ATL2: variants seen among roughly 807,000 people sequenced by gnomAD.
ATL2 encodes atlastin GTPase 2, also known as atlastin-2.
In ATL2, 31 loss-of-function variants were observed where a neutral mutation model predicts 73.9. The observed-to-expected ratio is 0.42, with a 90% CI of 0.32 to 0.57. The LOEUF (loss-of-function observed/expected upper bound fraction) is 0.57. Among genes scored for constraint, ATL2 ranks in the 20% least tolerant of loss-of-function variants. The pLI is 0.14. For missense variants in ATL2, 738 were observed against 702.6 expected, an observed-to-expected ratio of 1.05 and a Z score of -0.57; for synonymous variants, 291 against 237.5, an observed-to-expected ratio of 1.23 and a Z score of -2.07.
At chr2:38,304,117 C>A (rs1229806579) in intron 9 of ATL2, among the ~76,000 whole-genome samples, 1 of 152,094 alleles carries the variant, frequency 6.6e-6, no homozygotes, top group Non-Finnish European at 1.5e-5. Flanking sequence ...ACCACCACAA[C>A]AACAACAAGA....
At chr2:38,366,066 C>A (rs916366558) in intron 1 of ATL2, among the ~76,000 whole-genome samples, 1 of 151,340 alleles carries the variant, frequency 6.6e-6, no homozygotes, top group African/African-American at 2.4e-5. Context: ...CAAATAAACA[C>A]CCCTCCAACT....
In ATL2 at chr2:38,343,459, G is replaced by A. The variant is rs907456252; in HGVS notation, c.172C>T (p.Pro58Ser). The A allele has an allele frequency of 6.2e-7, 1 of 1,610,618 alleles. No individual in the cohort carries two copies. Among genetic ancestry groups the A allele is most frequent in the African/African-American group, 1.3e-5 (1 of 74,504 alleles). ...GCAAGAACAATCTGTACTGGACATG[G>A]TTTCTTCATAACCTCATCAGAATTT... is the stretch of plus-strand genomic sequence containing the variant. Reference protein sequence around the residue: ...LVNSDEVMKKPCPVQIVLAHE... With the variant: ...LVNSDEVMKKSCPVQIVLAHE... Residue 58 changes from proline to serine, a missense_variant, in exon 2 of 13, where the codon CCA becomes TCA. Coordinates refer to ENST00000378954, the MANE Select transcript of ATL2 (RefSeq NM_001135673.4).
rs1667698921 is a variant in ATL2, at chr2:38,310,511, GCA to G, written c.805-66_805-65del. 24 of 1,433,830 alleles carry G rather than the reference GCA, an allele frequency of 1.7e-5. 1 individual carries two copies. In the East Asian group the frequency reaches 5.3e-4, roughly 32 times the overall value. 88.8% of individuals were successfully genotyped at this position (1,433,830 alleles called of 1,614,324 possible). A position where few individuals can be genotyped will look rare whatever the true frequency, so the allele number is the denominator to read the frequency against. ...GAAAGAAAATTTTTTTAAAGAAAAT[GCA>G]CACAGACTCGCATGCACACTATGCA... On this transcript the variant is annotated intron_variant, in intron 7 of 12. Transcript: ENST00000378954.
chr2:38,312,722 A>G (rs1166677182), intron 7 of ATL2, among the ~76,000 whole-genome samples: 1 of 149,900 alleles, frequency 6.7e-6, no homozygotes, highest in African/African-American at 2.5e-5. Context: ...AAAAAAAAAA[A>G]AAAGAAGGTG....
chr2:38,357,125 C>T (rs1670712709), intron 1 of ATL2, among the ~76,000 whole-genome samples: 1 of 151,976 alleles, frequency 6.6e-6, no homozygotes, highest in South Asian at 2.1e-4. Context: ...GTCAGGAGAT[C>T]GAGACCATCC....
At chr2:38,309,722 G>T (rs903880590) in intron 8 of ATL2, among the ~76,000 whole-genome samples, 3 of 151,744 alleles carry the variant, frequency 2.0e-5, no homozygotes, top group East Asian at 3.9e-4. Flanking sequence ...CAACCCCCTA[G>T]TAACACTGCC....
In ATL2 at chr2:38,300,308, T is replaced by C. The variant is rs879230314; in HGVS notation, c.1092A>G (p.Gln364=). 1 of 1,609,176 alleles carries C rather than the reference T, an allele frequency of 6.2e-7. No individual in the cohort carries two copies. ...EYFKAYIKIY[Q]GEELPHPKSM... is the part of the protein sequence containing the mutation. The stretch of plus-strand genomic sequence containing the variant: ...ACTTTGGATGTGGAAGTTCTTCTCC[T>C]TGATAGATTTTGATGTAAGCCTAAA... Residue 364 remains glutamine (Q), a synonymous_variant, in exon 10 of 13, where the codon CAA becomes CAG. Coordinates refer to ENST00000378954, the MANE Select transcript of ATL2 (RefSeq NM_001135673.4).
rs150180731 is a variant in ATL2 at position 38,333,899 on chromosome 2, C to G, written c.363+9369G>C. On this transcript the variant is annotated intron_variant, in intron 2 of 12. Coordinates refer to ENST00000378954, the MANE Select transcript of ATL2 (RefSeq NM_001135673.4). ...TTGATGAAGCTTTTCTGACTCAAATCTAATCCAATTTAAAACCTGCATAGG... is the reference window on the plus strand; with the variant it reads ...TTGATGAAGCTTTTCTGACTCAAATGTAATCCAATTTAAAACCTGCATAGG... 5.5e-3 allele frequency among the ~76,000 whole-genome samples: 840 copies of G among 152,230 alleles called. 4 individuals carry two copies. The highest frequency in any genetic ancestry group is 9.5e-3 in the Non-Finnish European group (649 of 68,024).
chr2:38,322,649 T>C (rs1035688468), intron 2 of ATL2, among the ~76,000 whole-genome samples: 13 of 152,134 alleles, frequency 8.5e-5, no homozygotes, highest in African/African-American at 2.9e-4. Flanking sequence ...AAATCTACTA[T>C]GTATCATCTC....
chr2:38,335,560 A>T (rs1467834670), intron 2 of ATL2, among the ~76,000 whole-genome samples: 2 of 152,220 alleles, frequency 1.3e-5, no homozygotes, highest in South Asian at 2.1e-4. Flanking sequence ...AATACAAGTC[A>T]GAACAAAGGT....
chr2:38,360,259 C>CTTTTTTTT (rs566192942), intron 1 of ATL2, among the ~76,000 whole-genome samples: 2,874 of 135,236 alleles, frequency 0.021, 76 homozygotes, highest in South Asian at 0.14. Context: ...TCAGGGGATT[C>CTTTTTTTT]TTTTTTTTTT....
At chr2:38,330,379 C>T (rs762755010) in intron 2 of ATL2, among the ~76,000 whole-genome samples, 1 of 152,070 alleles carries the variant, frequency 6.6e-6, no homozygotes, top group Non-Finnish European at 1.5e-5. Context: ...ATCACTTGTA[C>T]TCAATACTAC....
intron 2 of ATL2, among the ~76,000 whole-genome samples, chr2:38,334,666 C>T (rs1669200645): frequency 1.3e-5 from 2 of 151,216 alleles, no homozygotes; most frequent in Non-Finnish European, 1.5e-5. Context: ...CCATTGCACT[C>T]CAGCCTGGGC....
chr2:38,305,601 A>G (rs919255845), intron 9 of ATL2, among the ~76,000 whole-genome samples: 1 of 152,152 alleles, frequency 6.6e-6, no homozygotes, highest in African/African-American at 2.4e-5. Context: ...TCTGACCACA[A>G]TGGAATAAAA....
At chr2:38,305,317 G>A (rs900670136) in intron 9 of ATL2, among the ~76,000 whole-genome samples, 1 of 152,112 alleles carries the variant, frequency 6.6e-6, no homozygotes, top group African/African-American at 2.4e-5. Flanking sequence ...CCACTTGAGG[G>A]CAGGTGGACC....
chr2:38,351,160 TA>T (rs1670314804), intron 1 of ATL2, among the ~76,000 whole-genome samples: 1 of 151,840 alleles, frequency 6.6e-6, no homozygotes, highest in African/African-American at 2.4e-5. Flanking sequence ...ATAAAAAAAT[TA>T]GTTATCCCAC....
intron 7 of ATL2, among the ~76,000 whole-genome samples, chr2:38,310,831 T>C (rs1667720019): frequency 6.6e-6 from 1 of 151,988 alleles, no homozygotes; most frequent in Non-Finnish European, 1.5e-5. Flanking sequence ...GAGACAGGGT[T>C]GGTCAGGCTG....
At chr2:38,303,925 G>A (rs1213699031) in intron 9 of ATL2, among the ~76,000 whole-genome samples, 1 of 152,076 alleles carries the variant, frequency 6.6e-6, no homozygotes, top group Non-Finnish European at 1.5e-5. Context: ...TGACCCTGGA[G>A]TTCAAGACCA....
At chr2:38,329,443 A>AAAAAAAAAAAAAAAAAAAAAAAAAAAC (rs1668857927) in intron 2 of ATL2, among the ~76,000 whole-genome samples, 1 of 148,830 alleles carries the variant, frequency 6.7e-6, no homozygotes, top group Non-Finnish European at 1.5e-5. Context: ...AAAAAAAAAA[A>AAAAAAAAAAAAAAAAAAAAAAAAAAAC]AAAAAAAAGA....
Sources: allele counts gnomAD v4.1 joint callset (sites outside exome capture counted in the v4.1 genomes callset), GRCh38; gene constraint gnomAD v4.1.1; transcripts MANE v1.5; gene names NCBI Gene and HGNC (gene_info 2026-07-23, HGNC 2026-07-21).